HDAC4: variants seen among roughly 807,000 people sequenced by gnomAD.
HDAC4 encodes the protein histone deacetylase A.
A neutral mutation model predicts 135.1 loss-of-function variants in HDAC4; 16 were observed. The ratio of observed to expected loss-of-function variants is 0.12; its 90% confidence interval spans 0.08 to 0.18. The LOEUF is 0.18. Ranked by LOEUF, HDAC4 falls within the 10% of genes least tolerant of loss-of-function variation. The pLI is 1.00. For missense variants in HDAC4, 1,143 were observed against 1,511.8 expected, an observed-to-expected ratio of 0.76 and a Z score of 4.05; for synonymous variants, 685 against 653.4, an observed-to-expected ratio of 1.05 and a Z score of -0.74.
chr2:239,149,878 C>T (rs1187454706), intron 7 of HDAC4, among the ~76,000 whole-genome samples: 4 of 152,180 alleles, frequency 2.6e-5, no homozygotes, highest in African/African-American at 9.7e-5. Context: ...AAAATGGACT[C>T]TCAGGCTGCT....
chr2:239,240,284 T>C lies in HDAC4; in HGVS notation c.23-3620A>G, dbSNP rs749976571. On this transcript the variant is annotated intron_variant, in intron 2 of 26. Coordinates refer to ENST00000543185, the MANE Select transcript of HDAC4 (RefSeq NM_001378414.1). The surrounding 1 kb of genome is among the most constrained non-coding windows in gnomAD (Gnocchi z 4.5). ...AAGAACGTCTGTCACCAGGGTGAAA[T>C]AGACAAGCTGCGGTACACAGCCAGC... Among the ~76,000 whole-genome samples the C allele has an allele frequency of 9.2e-5, 14 of 152,294 alleles. No homozygotes were observed. Among genetic ancestry groups the C allele is most frequent in the African/African-American group, 1.2e-4 (5 of 41,558 alleles).
rs2125673399 is a variant in HDAC4, at chr2:239,306,669, T to C, written c.22+46009A>G. 6.6e-6 allele frequency among the ~76,000 whole-genome samples: 1 copy of C among 152,188 alleles called. No homozygotes were observed. The highest frequency in any genetic ancestry group is 2.1e-4 in the South Asian group (1 of 4,818). ...TATGCCCCCCACACTGCCCAGGTGATGGCAGAACCCAGGTCCTCGGGCGCA... is the reference window on the plus strand; with the variant it reads ...TATGCCCCCCACACTGCCCAGGTGACGGCAGAACCCAGGTCCTCGGGCGCA... On this transcript the variant is annotated intron_variant, in intron 2 of 26. Transcript: ENST00000543185. The surrounding 1 kb of genome is among the most constrained non-coding windows in gnomAD (Gnocchi z 4.5).
At chr2:239,170,827 G>A (rs3791529) in intron 5 of HDAC4, among the ~76,000 whole-genome samples, 113,322 of 152,098 alleles carry the variant, frequency 0.75, 42,361 homozygotes, top group South Asian at 0.92. Flanking sequence ...AGTGGGTTTC[G>A]GAAGAGGCCC....
intron 2 of HDAC4, among the ~76,000 whole-genome samples, chr2:239,336,475 G>A (rs1293107751): frequency 6.6e-6 from 1 of 152,030 alleles, no homozygotes; most frequent in African/African-American, 2.4e-5. Context: ...CACCAACAAT[G>A]ACTTGTTAAG....
At chr2:239,185,028 C>A (rs111795368) in intron 4 of HDAC4, among the ~76,000 whole-genome samples, 2 of 49,176 alleles carry the variant, frequency 4.1e-5, no homozygotes, top group South Asian at 3.4e-3. Context: ...GAGGGCTGTG[C>A]CCTATGGGGG....
Position 239,090,054 on chromosome 2 carries a change from G to T in HDAC4, c.2343C>A (p.Gly781=). ...HSAGAARLAV[G]CVVELVFKVA... is the part of the protein sequence containing the mutation. ...CCTTGAAGACCAGCTCTACCACGCAGCCCACAGCCAGGCGGGCTGCCCCCG... is the reference window on the plus strand; with the variant it reads ...CCTTGAAGACCAGCTCTACCACGCATCCCACAGCCAGGCGGGCTGCCCCCG... Residue 781 remains glycine, a synonymous_variant, in exon 18 of 27, where the codon GGC becomes GGA. Coordinates refer to ENST00000543185, the MANE Select transcript of HDAC4 (RefSeq NM_001378414.1). The T allele has an allele frequency of 2.5e-6, 4 of 1,613,882 alleles. No individual in the cohort carries two copies. Among genetic ancestry groups the T allele is most frequent in the African/African-American group, 2.7e-5 (2 of 75,058 alleles).
At chr2:239,219,464 T>C (rs1230512795) in intron 3 of HDAC4, among the ~76,000 whole-genome samples, 2 of 143,228 alleles carry the variant, frequency 1.4e-5, no homozygotes, top group Non-Finnish European at 3.0e-5. Context: ...CACCGGGGAC[T>C]GTTGTGGGGT....
chr2:239,163,407 A>AC (rs1468905498), intron 6 of HDAC4, among the ~76,000 whole-genome samples: 1 of 152,014 alleles, frequency 6.6e-6, no homozygotes, highest in African/African-American at 2.4e-5. Flanking sequence ...AGGGGGGCCC[A>AC]CTCCCATGAG....
intron 2 of HDAC4, among the ~76,000 whole-genome samples, chr2:239,242,870 G>T (rs1317055759): frequency 2.0e-5 from 3 of 152,174 alleles, no homozygotes; most frequent in Non-Finnish European, 4.4e-5. Context: ...AAACTTTTCT[G>T]CATCAATTCA....
intron 22 of HDAC4, 124 bp downstream of exon 22, chr2:239,080,971 C>T (rs2035258652): frequency 4.3e-6 from 3 of 701,714 alleles, no homozygotes; most frequent in South Asian, 1.7e-5. Context: ...CTCCTCCGGA[C>T]CCCACAGCCC....
chr2:239,068,659 C>T lies in HDAC4; in HGVS notation c.2751-52G>A, dbSNP rs201887574. ...TGGGTCAGCTGAAAGAGGGACGGGACGGTCACAAAACCCCAAGGTTCCCTC... is the reference window on the plus strand; with the variant it reads ...TGGGTCAGCTGAAAGAGGGACGGGATGGTCACAAAACCCCAAGGTTCCCTC... On this transcript the variant is annotated intron_variant, in intron 22 of 26. Transcript: ENST00000543185. The surrounding 1 kb of genome is among the most constrained non-coding windows in gnomAD (Gnocchi z 4.4). 5.9e-4 allele frequency: 880 copies of T among 1,484,216 alleles called. 3 individuals carry two copies. Among genetic ancestry groups the T allele is most frequent in the Non-Finnish European group, 7.5e-4 (800 of 1,062,540 alleles). 91.9% of individuals were successfully genotyped at this position (1,484,216 alleles called of 1,614,324 possible).
Position 239,362,617 on chromosome 2 carries a change from C to T in HDAC4, c.-219-9699G>A, listed in dbSNP as rs1000330909. On this transcript the variant is annotated intron_variant, in intron 1 of 26. Coordinates refer to ENST00000543185, the MANE Select transcript of HDAC4 (RefSeq NM_001378414.1). ...TGGCCTCAGCCTGCCATGCTGGTGACGGAACGGCCAGTGCTAGTGAACCAA... is the reference window on the plus strand; with the variant it reads ...TGGCCTCAGCCTGCCATGCTGGTGATGGAACGGCCAGTGCTAGTGAACCAA... Among the ~76,000 whole-genome samples the T allele has an allele frequency of 6.6e-5, 10 of 152,126 alleles. No individual in the cohort carries two copies. In the East Asian group the frequency reaches 7.7e-4, roughly 12 times the overall value.
chr2:239,394,948 T>G lies in HDAC4; in HGVS notation c.-220+6030A>C, dbSNP rs895033183. On this transcript the variant is annotated intron_variant, in intron 1 of 26. Transcript: ENST00000543185. ...TGGCATTAAACAACTAAGGTCACAA[T>G]GAGCTCCTTCCTGAAATTGCACAAT... Among the ~76,000 whole-genome samples the G allele has an allele frequency of 4.6e-5, 7 of 152,342 alleles. No homozygotes were observed. The East Asian group carries it at 1.4e-3, about 29-fold the overall frequency.
At chr2:239,312,504 G>T (rs149762898) in intron 2 of HDAC4, among the ~76,000 whole-genome samples, 196 of 152,322 alleles carry the variant, frequency 1.3e-3, no homozygotes, top group African/African-American at 4.6e-3. Flanking sequence ...CCAGATGATG[G>T]TGAAATTCAC....
chr2:239,085,434 C>G (rs2035841113), intron 19 of HDAC4, among the ~76,000 whole-genome samples: 1 of 152,194 alleles, frequency 6.6e-6, no homozygotes, highest in African/African-American at 2.4e-5. Flanking sequence ...AGCCCACACG[C>G]CCCAGGACAT....
At chr2:239,372,399 C>T (rs1164739020) in intron 1 of HDAC4, among the ~76,000 whole-genome samples, 2 of 152,232 alleles carry the variant, frequency 1.3e-5, no homozygotes, top group Non-Finnish European at 2.9e-5. Flanking sequence ...AGAGTAACAC[C>T]ACCACACAAA....
intron 4 of HDAC4, among the ~76,000 whole-genome samples, chr2:239,184,695 C>CT (rs2044408188): frequency 1.3e-5 from 1 of 79,834 alleles, no homozygotes; most frequent in Non-Finnish European, 2.4e-5. Flanking sequence ...GTGTCTGTCC[C>CT]GGAGGATGTG....
At chr2:239,242,315 T>C (rs2048234361) in intron 2 of HDAC4, among the ~76,000 whole-genome samples, 2 of 152,110 alleles carry the variant, frequency 1.3e-5, no homozygotes, top group South Asian at 4.1e-4. Context: ...AGATAATCTT[T>C]ACAGTACTGC....
upstream of HDAC4, chr2:239,401,622 C>T (rs571689251): frequency 2.4e-4 from 60 of 250,706 alleles, no homozygotes; most frequent in African/African-American, 1.3e-3. Flanking sequence ...GGCCAGGCCT[C>T]GCCGCGGCGT....
Sources: allele counts gnomAD v4.1 joint callset (sites outside exome capture counted in the v4.1 genomes callset), GRCh38; gene constraint gnomAD v4.1.1; non-coding constraint Gnocchi (gnomAD v3.1); transcripts MANE v1.5; gene names NCBI Gene and HGNC (gene_info 2026-07-23, HGNC 2026-07-21).